RNF182: variants seen among roughly 807,000 people sequenced by gnomAD.
The protein encoded by RNF182 is E3 ubiquitin-protein ligase RNF182.
Under a neutral mutation model 14.4 loss-of-function variants are expected in RNF182, and 15 were observed. That is an observed-to-expected ratio of 1.04 (90% CI 0.70 to 1.60). The LOEUF is 1.60. Ranked by LOEUF, RNF182 falls within the 40% of genes most tolerant of loss-of-function variation. The pLI, the probability that RNF182 is intolerant of heterozygous loss-of-function variation, is 0.00. For synonymous variants in RNF182, 128 were observed against 122.9 expected, an observed-to-expected ratio of 1.04 and a Z score of -0.27; for missense variants, 268 against 294.8, an observed-to-expected ratio of 0.91 and a Z score of 0.67.
At chr6:13,966,994 G>A (rs1283507532) in intron 1 of RNF182, among the ~76,000 whole-genome samples, 5 of 151,840 alleles carry the variant, frequency 3.3e-5, no homozygotes, top group African/African-American at 7.3e-5. Context: ...GCACCACCAC[G>A]CCTGGCTAAT....
chr6:13,975,431 C>T (rs180897675), intron 2 of RNF182, among the ~76,000 whole-genome samples: 236 of 152,158 alleles, frequency 1.6e-3, no homozygotes, highest in African/African-American at 5.1e-3. Flanking sequence ...GAGCTTGGTT[C>T]GTGGTAGCAG....
At chr6:13,967,582 CAA>C (rs1760065574) in intron 1 of RNF182, among the ~76,000 whole-genome samples, 1 of 152,086 alleles carries the variant, frequency 6.6e-6, no homozygotes, top group Non-Finnish European at 1.5e-5. Flanking sequence ...TACTTTACCA[CAA>C]AGAGCACCAT....
intron 1 of RNF182, among the ~76,000 whole-genome samples, chr6:13,930,154 A>G (rs1260923219): frequency 6.6e-6 from 1 of 152,248 alleles, no homozygotes; most frequent in Non-Finnish European, 1.5e-5. Context: ...AATTCAAATA[A>G]GAAACCCAGT....
chr6:13,953,443 G>A (rs1256593170), intron 1 of RNF182, among the ~76,000 whole-genome samples: 1 of 152,162 alleles, frequency 6.6e-6, no homozygotes, highest in African/African-American at 2.4e-5. Context: ...GAGGTAAGTA[G>A]GAGAGACTGG....
At chr6:13,944,318 CT>C (rs1274708415) in intron 1 of RNF182, among the ~76,000 whole-genome samples, 2 of 152,284 alleles carry the variant, frequency 1.3e-5, no homozygotes, top group African/African-American at 4.8e-5. Context: ...AAGCTCTGAG[CT>C]TTCTCAGGTA....
chr6:13,937,494 ATAGT>A (rs1279832739), intron 1 of RNF182, among the ~76,000 whole-genome samples: 2 of 152,312 alleles, frequency 1.3e-5, no homozygotes, highest in Admixed American at 6.5e-5. Context: ...GGATGTAGTA[ATAGT>A]TTGTTTTTTG....
intron 1 of RNF182, among the ~76,000 whole-genome samples, chr6:13,963,247 A>G (rs957697880): frequency 6.6e-5 from 10 of 152,208 alleles, no homozygotes; most frequent in African/African-American, 2.2e-4. Flanking sequence ...TGCAAGATGT[A>G]TGGATTGGAC....
In RNF182 at chr6:13,974,222, G is replaced by A. The variant is rs939471591; in HGVS notation, c.-354G>A. The A allele has an allele frequency of 6.6e-6, 1 of 152,016 alleles. No individual in the cohort carries two copies. Among genetic ancestry groups the A allele is most frequent in the East Asian group, 1.9e-4 (1 of 5,158 alleles). The allele number at this position is 152,016 out of a possible 1,614,324, so 9.4% of individuals were successfully genotyped here. ...TCTGCCATTCCAGGAAGAAATACTT[G>A]TGTTGGCTGCATTTCCAGGGATGCT... On this transcript the variant is annotated 5_prime_UTR_variant, in exon 2 of 3. It adds an upstream start codon to the 5' untranslated region. Coordinates refer to ENST00000488300, the MANE Select transcript of RNF182 (RefSeq NM_152737.4).
At chr6:13,937,075 G>A (rs762241165) in intron 1 of RNF182, among the ~76,000 whole-genome samples, 17 of 152,176 alleles carry the variant, frequency 1.1e-4, no homozygotes, top group Non-Finnish European at 5.9e-5. Flanking sequence ...TCATGGTGTT[G>A]CATATAGACT....
chr6:13,929,327 T>A (rs1464761023), intron 1 of RNF182, among the ~76,000 whole-genome samples: 1 of 152,236 alleles, frequency 6.6e-6, no homozygotes, highest in Non-Finnish European at 1.5e-5. Context: ...TTCCCTCTTC[T>A]ATAGCTATAG....
rs1308877098 is a variant in RNF182 at position 13,977,401 on chromosome 6, A to G, written c.282A>G (p.Gly94=). The change falls in exon 3 of 3, where the codon GGA becomes GGG. Residue 94 remains glycine, a synonymous_variant. Transcript: ENST00000488300. Reference sequence around the variant, plus strand: ...ACATCCTTGTAAACTTGACTTGTGGAGGCAAAGGGAAGAAGTGCCTGCCAG... The same window carrying G: ...ACATCCTTGTAAACTTGACTTGTGGGGGCAAAGGGAAGAAGTGCCTGCCAG... The part of the protein sequence containing the change: ...DNNILVNLTC[G]GKGKKCLPEN... The G allele has an allele frequency of 1.9e-5, 30 of 1,613,960 alleles. No individual in the cohort carries two copies. Among genetic ancestry groups the G allele is most frequent in the Non-Finnish European group, 2.5e-5 (29 of 1,180,020 alleles).
intron 1 of RNF182, among the ~76,000 whole-genome samples, chr6:13,937,624 A>G (rs950057768): frequency 6.6e-6 from 1 of 152,268 alleles, no homozygotes; most frequent in African/African-American, 2.4e-5. Flanking sequence ...TAGTGCTGCT[A>G]TAAACATTCT....
intron 1 of RNF182, among the ~76,000 whole-genome samples, chr6:13,933,906 T>C (rs1375304591): frequency 6.6e-6 from 1 of 152,050 alleles, no homozygotes; most frequent in Non-Finnish European, 1.5e-5. Context: ...TAGTCCCAGC[T>C]ACTCGGGAAG....
intron 1 of RNF182, among the ~76,000 whole-genome samples, chr6:13,945,277 T>C (rs67315521): frequency 0.028 from 4,255 of 152,294 alleles, 106 homozygotes; most frequent in Non-Finnish European, 0.039. Context: ...TAGCCAAAAA[T>C]TATTGTGGCC....
At chr6:13,956,924 A>G (rs1273361247) in intron 1 of RNF182, among the ~76,000 whole-genome samples, 1 of 149,032 alleles carries the variant, frequency 6.7e-6, no homozygotes, top group Non-Finnish European at 1.5e-5. Context: ...GCCCCCCACC[A>G]TACACACACA....
At chr6:13,953,860 C>T (rs76528432) in intron 1 of RNF182, among the ~76,000 whole-genome samples, 3,480 of 152,244 alleles carry the variant, frequency 0.023, 140 homozygotes, top group African/African-American at 0.079. Flanking sequence ...TCGCCAGCAC[C>T]TAGCCCAGGG....
intron 1 of RNF182, chr6:13,961,335 A>G (rs935447845): frequency 3.3e-5 from 5 of 152,332 alleles, no homozygotes; most frequent in South Asian, 2.1e-4. Context: ...TTATGTATGT[A>G]AAGTATTTAC....
At chr6:13,972,986 C>T (rs1277591411) in intron 1 of RNF182, among the ~76,000 whole-genome samples, 1 of 152,228 alleles carries the variant, frequency 6.6e-6, no homozygotes, top group Admixed American at 6.5e-5. Flanking sequence ...AAGCTGCAGA[C>T]ATTCAATGCC....
chr6:13,978,027 T>TA lies in RNF182; in HGVS notation c.*169dup, dbSNP rs1760388055. On this transcript the variant is annotated 3_prime_UTR_variant, in exon 3 of 3. Coordinates refer to ENST00000488300, the MANE Select transcript of RNF182 (RefSeq NM_152737.4). ...GATTGGTTTTCCTGTAGGCTGGAAGTAAAAATGTTCATTTCTACTTAGGGG... is the reference window on the plus strand; with the variant it reads ...GATTGGTTTTCCTGTAGGCTGGAAGTAAAAAATGTTCATTTCTACTTAGGGG... 11 of 807,658 alleles carry TA rather than the reference T, an allele frequency of 1.4e-5. No individual in the cohort carries two copies. The highest frequency in any genetic ancestry group is 1.9e-5 in the Non-Finnish European group (10 of 521,384). 50.0% of individuals were successfully genotyped at this position (807,658 alleles called of 1,614,324 possible). A position where few individuals can be genotyped will look rare whatever the true frequency, so the allele number is the denominator to read the frequency against.
Sources: gnomAD v4.1 joint callset for allele counts (sites outside exome capture counted in the v4.1 genomes callset) on GRCh38, gnomAD v4.1.1 for gene constraint, MANE v1.5 for transcripts, NCBI Gene and HGNC (gene_info 2026-07-23, HGNC 2026-07-21) for gene names.